The following CNTN5 variants were observed in gnomAD, a reference collection of about 807,000 sequenced individuals.
The protein encoded by CNTN5 is contactin-5.
Under a neutral mutation model 129.1 loss-of-function variants are expected in CNTN5, and 77 were observed. The observed-to-expected ratio is 0.60, with a 90% confidence interval of 0.50 to 0.72. The LOEUF is 0.72. Among genes scored for constraint, CNTN5 ranks in the 30% least tolerant of loss-of-function variants. The pLI is 0.00. For missense variants in CNTN5, 1,478 were observed against 1,328.8 expected, an observed-to-expected ratio of 1.11 and a Z score of -1.75; for synonymous variants, 509 against 465.6, an observed-to-expected ratio of 1.09 and a Z score of -1.20.
chr11:100,127,644 T>C (rs1416526825), intron 13 of CNTN5, among the ~76,000 whole-genome samples: 1 of 129,948 alleles, frequency 7.7e-6, no homozygotes, highest in African/African-American at 3.1e-5. Context: ...TCTGACTTTC[T>C]TTCTTTCTTT....
intron 2 of CNTN5, among the ~76,000 whole-genome samples, chr11:99,517,358 G>A (rs187082977): frequency 9.9e-5 from 15 of 151,830 alleles, no homozygotes; most frequent in Admixed American, 3.9e-4. Flanking sequence ...CTTCTCCACA[G>A]CCTTTTTCTA....
chr11:100,319,177 G>A, intron 21 of CNTN5, among the ~76,000 whole-genome samples: 1 of 147,216 alleles, frequency 6.8e-6, no homozygotes, highest in Non-Finnish European at 1.5e-5. Flanking sequence ...TTTTGAGATG[G>A]AGTCTCGCTC....
intron 3 of CNTN5, among the ~76,000 whole-genome samples, chr11:99,807,822 G>T (rs530364090): frequency 1.3e-5 from 2 of 152,262 alleles, no homozygotes; most frequent in Non-Finnish European, 2.9e-5. Flanking sequence ...GTTTGTTTTT[G>T]CAGAGTATTC....
At chr11:99,913,543 T>C (rs1464789025) in intron 6 of CNTN5, among the ~76,000 whole-genome samples, 1 of 152,094 alleles carries the variant, frequency 6.6e-6, no homozygotes, top group African/African-American at 2.4e-5. Context: ...GAGACAATTC[T>C]ATGAGGAAAT....
At chr11:99,041,800 C>G (rs1417080650) in intron 1 of CNTN5, among the ~76,000 whole-genome samples, 2 of 152,156 alleles carry the variant, frequency 1.3e-5, no homozygotes, top group Non-Finnish European at 2.9e-5. Flanking sequence ...TGTAATGGCT[C>G]TGAGTCAATG....
chr11:100,015,465 T>C (rs1187780080), intron 9 of CNTN5, among the ~76,000 whole-genome samples: 1 of 152,108 alleles, frequency 6.6e-6, no homozygotes, highest in Non-Finnish European at 1.5e-5. Context: ...ACAGGACTAA[T>C]TAAAAATCTG....
In CNTN5 at chr11:99,881,629, T is replaced by C. The variant is rs189815173; in HGVS notation, c.578-34425T>C. 6.8e-3 allele frequency among the ~76,000 whole-genome samples: 1,036 copies of C among 152,270 alleles called. 10 individuals carry two copies. Among genetic ancestry groups the C allele is most frequent in the African/African-American group, 0.023 (966 of 41,546 alleles). On this transcript the variant is annotated intron_variant, in intron 6 of 24. Transcript: ENST00000524871. ...CTCAGGTAGTATATAGTGATAACAA[T>C]GTTGTTATTTTTAAAATAAAATAAA...
chr11:99,243,025 T>C (rs868863710), intron 1 of CNTN5, among the ~76,000 whole-genome samples: 1 of 152,160 alleles, frequency 6.6e-6, no homozygotes, highest in Non-Finnish European at 1.5e-5. Flanking sequence ...GCTTAAATGG[T>C]AGTTCTCTTT....
intron 23 of CNTN5, among the ~76,000 whole-genome samples, chr11:100,347,234 C>T (rs781040720): frequency 3.3e-5 from 5 of 152,070 alleles, no homozygotes; most frequent in Non-Finnish European, 7.4e-5. Flanking sequence ...TTTACATACC[C>T]ACTAGAACTT....
intron 6 of CNTN5, among the ~76,000 whole-genome samples, chr11:99,861,448 A>G (rs1948204859): frequency 6.6e-6 from 1 of 152,234 alleles, no homozygotes; most frequent in East Asian, 1.9e-4. Context: ...TGCCGATACA[A>G]TGATACAAAG....
At chr11:99,643,430 A>G (rs867220465) in intron 3 of CNTN5, among the ~76,000 whole-genome samples, 1 of 152,256 alleles carries the variant, frequency 6.6e-6, no homozygotes, top group Middle Eastern at 3.4e-3. Flanking sequence ...AATTCCAGCA[A>G]TGTATTATTC....
intron 2 of CNTN5, among the ~76,000 whole-genome samples, chr11:99,445,682 T>C (rs1194570487): frequency 1.3e-5 from 2 of 152,166 alleles, no homozygotes; most frequent in Admixed American, 1.3e-4. Context: ...ACTAAGGAAA[T>C]GGACAGCGTC....
At chr11:99,069,707 A>T (rs1865257026) in intron 1 of CNTN5, among the ~76,000 whole-genome samples, 1 of 152,170 alleles carries the variant, frequency 6.6e-6, no homozygotes, top group Non-Finnish European at 1.5e-5. Flanking sequence ...TACTATTTTT[A>T]AAAAGAATTT....
chr11:100,061,228 A>G lies in CNTN5; in HGVS notation c.997A>G (p.Thr333Ala). Residue 333 changes from threonine to alanine, a missense_variant, in exon 10 of 25, where the codon ACA becomes GCA. Physicochemically the swap from Thr to Ala is moderately conservative, Grantham distance 58. Transcript: ENST00000524871. ...FALGNPVPTI[T>A]WMKVNGYIPS... ...CTATCGTAGCCCCGTTCCAACAATC[A>G]CATGGATGAAGGTTAATGGTTATAT... 1 of 1,609,294 alleles carries G rather than the reference A, an allele frequency of 6.2e-7. No homozygotes were observed. Among genetic ancestry groups the G allele is most frequent in the Non-Finnish European group, 8.5e-7 (1 of 1,176,168 alleles).
chr11:99,900,893 T>G (rs900465168), intron 6 of CNTN5, among the ~76,000 whole-genome samples: 1 of 152,130 alleles, frequency 6.6e-6, no homozygotes. Flanking sequence ...GCTAGCCTCA[T>G]ACATGTCTCT....
intron 2 of CNTN5, among the ~76,000 whole-genome samples, chr11:99,446,777 T>C (rs1214329227): frequency 6.6e-6 from 1 of 152,212 alleles, no homozygotes; most frequent in African/African-American, 2.4e-5. Context: ...TTAGCTGACT[T>C]TCCTCCTTAA....
chr11:99,073,538 T>C (rs1865430388), intron 1 of CNTN5, among the ~76,000 whole-genome samples: 1 of 152,024 alleles, frequency 6.6e-6, no homozygotes, highest in Non-Finnish European at 1.5e-5. Flanking sequence ...CCTAATGCTT[T>C]CCCTCCCCTT....
intron 7 of CNTN5, among the ~76,000 whole-genome samples, chr11:99,929,984 G>A (rs750614105): frequency 2.0e-5 from 3 of 152,136 alleles, no homozygotes; most frequent in Non-Finnish European, 4.4e-5. Context: ...TGACTGCCTC[G>A]CCTGATCCTT....
chr11:99,254,839 G>A (rs1591428308), intron 1 of CNTN5, among the ~76,000 whole-genome samples: 2 of 152,002 alleles, frequency 1.3e-5, no homozygotes, highest in South Asian at 2.1e-4. Context: ...AGTAAAATGT[G>A]CTTAATAAAA....
Sources: allele counts gnomAD v4.1 joint callset (sites outside exome capture counted in the v4.1 genomes callset), GRCh38; gene constraint gnomAD v4.1.1; transcripts MANE v1.5; gene names NCBI Gene and HGNC (gene_info 2026-07-23, HGNC 2026-07-21).